HS6ST3: variants seen among roughly 807,000 people sequenced by gnomAD.
The protein encoded by HS6ST3 is heparan sulfate 6-O-sulfotransferase 3.
A neutral mutation model predicts 36.7 loss-of-function variants in HS6ST3; 12 were observed. The ratio of observed to expected loss-of-function variants is 0.33; its 90% confidence interval spans 0.21 to 0.53. HS6ST3 has a LOEUF of 0.53. Ranked by LOEUF, HS6ST3 falls within the 20% of genes least tolerant of loss-of-function variation. HS6ST3 has a pLI of 0.95. For missense variants in HS6ST3, 584 were observed against 640.9 expected (o/e 0.91, Z 0.96); for synonymous variants, 240 against 257.5 (o/e 0.93, Z 0.65).
At chr13:96,476,677 T>C (rs2055866006) in intron 1 of HS6ST3, among the ~76,000 whole-genome samples, 1 of 152,130 alleles carries the variant, frequency 6.6e-6, no homozygotes, top group Non-Finnish European at 1.5e-5. Context: ...GTTTTCTACC[T>C]GCAGTGACAT....
intron 1 of HS6ST3, among the ~76,000 whole-genome samples, chr13:96,737,330 A>G (rs967266148): frequency 1.3e-5 from 2 of 152,232 alleles, no homozygotes; most frequent in Admixed American, 1.3e-4. Flanking sequence ...TATTTCTATA[A>G]AAGAGATTAT....
intron 1 of HS6ST3, among the ~76,000 whole-genome samples, chr13:96,722,247 A>G (rs1875868830): frequency 6.6e-6 from 1 of 152,202 alleles, no homozygotes; most frequent in South Asian, 2.1e-4. Context: ...CCTGGGAAAC[A>G]GAGCGAGATT....
intron 1 of HS6ST3, among the ~76,000 whole-genome samples, chr13:96,430,010 C>G (rs2055607066): frequency 6.6e-6 from 1 of 152,196 alleles, no homozygotes; most frequent in South Asian, 2.1e-4. Context: ...TTCATAGAAT[C>G]TAAATTGACG....
At chr13:96,764,136 TAAATAAAG>T (rs1451715120) in intron 1 of HS6ST3, among the ~76,000 whole-genome samples, 1 of 152,260 alleles carries the variant, frequency 6.6e-6, no homozygotes, top group East Asian at 1.9e-4. Flanking sequence ...GCTTCTCCTT[TAAATAAAG>T]CCTTTTCTAT....
At chr13:96,176,741 G>A (rs1380439069) in intron 1 of HS6ST3, among the ~76,000 whole-genome samples, 1 of 152,098 alleles carries the variant, frequency 6.6e-6, no homozygotes, top group African/African-American at 2.4e-5. Context: ...ATGGAAAGAA[G>A]CAATTGCAAC....
At chr13:96,706,790 T>G (rs1407797967) in intron 1 of HS6ST3, among the ~76,000 whole-genome samples, 1 of 152,054 alleles carries the variant, frequency 6.6e-6, no homozygotes, top group Non-Finnish European at 1.5e-5. Flanking sequence ...ATTAACCTGC[T>G]TAGGAGGCTC....
At position 96,386,077 on chromosome 13, in the gene HS6ST3, A is replaced by G. The variant is rs1344690234; in HGVS notation, c.707+294508A>G. Among the ~76,000 whole-genome samples the G allele has an allele frequency of 2.0e-5, 3 of 152,256 alleles. No individual in the cohort carries two copies. In the South Asian group the frequency reaches 6.2e-4, roughly 31 times the overall value. ...AAATGAGGTCATAAAAGAGGAGACC[A>G]GGAATAAATTGTGTAGAAAATAAAA... On this transcript the variant is annotated intron_variant, in intron 1 of 1. Transcript: ENST00000376705.
chr13:96,549,980 C>G (rs949499673), intron 1 of HS6ST3, among the ~76,000 whole-genome samples: 1 of 152,316 alleles, frequency 6.6e-6, no homozygotes, highest in South Asian at 2.1e-4. Context: ...TGTATGTTCT[C>G]TATTTCCACA....
At chr13:96,652,009 T>C (rs1414060906) in intron 1 of HS6ST3, among the ~76,000 whole-genome samples, 1 of 152,098 alleles carries the variant, frequency 6.6e-6, no homozygotes, top group Admixed American at 6.6e-5. Flanking sequence ...ATACCTGATA[T>C]ATAGTCTCAG....
chr13:96,091,606 AC>A, intron 1 of HS6ST3, 37 bp downstream of exon 1: 6 of 868,794 alleles, frequency 6.9e-6, no homozygotes, highest in Non-Finnish European at 6.6e-6. Flanking sequence ...CTTCCCCCCC[AC>A]CCCCCATCCC....
At chr13:96,159,234 A>G (rs1442736869) in intron 1 of HS6ST3, among the ~76,000 whole-genome samples, 1 of 152,184 alleles carries the variant, frequency 6.6e-6, no homozygotes, top group Non-Finnish European at 1.5e-5. Flanking sequence ...AGACACAAGG[A>G]TCAATGAAGG....
At chr13:96,596,069 A>C (rs571978647) in intron 1 of HS6ST3, among the ~76,000 whole-genome samples, 2 of 152,230 alleles carry the variant, frequency 1.3e-5, no homozygotes, top group South Asian at 4.1e-4. Flanking sequence ...GGTACTCAAC[A>C]GGTAATTTTT....
chr13:96,690,549 G>A (rs1173347325), intron 1 of HS6ST3, among the ~76,000 whole-genome samples: 1 of 152,092 alleles, frequency 6.6e-6, no homozygotes, highest in African/African-American at 2.4e-5. Context: ...CCCGGGCATG[G>A]AAGGAATAAA....
intron 1 of HS6ST3, among the ~76,000 whole-genome samples, chr13:96,659,005 C>T (rs1197881363): frequency 1.3e-5 from 2 of 152,188 alleles, no homozygotes; most frequent in Non-Finnish European, 2.9e-5. Context: ...CTGTGCCTAG[C>T]CTGTATGAAC....
chr13:96,100,560 G>A (rs993697443), intron 1 of HS6ST3, among the ~76,000 whole-genome samples: 29 of 152,204 alleles, frequency 1.9e-4, no homozygotes, highest in African/African-American at 5.8e-4. Flanking sequence ...TCCAGTTTCA[G>A]TAGTAGGAGA....
intron 1 of HS6ST3, among the ~76,000 whole-genome samples, chr13:96,553,647 G>A (rs2056228632): frequency 6.6e-6 from 1 of 152,212 alleles, no homozygotes; most frequent in African/African-American, 2.4e-5. Flanking sequence ...ATGTAGCCCT[G>A]CACAGATGTG....
intron 1 of HS6ST3, among the ~76,000 whole-genome samples, chr13:96,516,087 A>C (rs74571445): frequency 6.7e-6 from 1 of 149,180 alleles, no homozygotes; most frequent in Non-Finnish European, 1.5e-5. Context: ...TTTGAGACAC[A>C]GTCTTGGTTT....
intron 1 of HS6ST3, among the ~76,000 whole-genome samples, chr13:96,624,939 C>A (rs936915005): frequency 3.3e-5 from 5 of 152,128 alleles, no homozygotes; most frequent in Non-Finnish European, 5.9e-5. Flanking sequence ...TGATGCAGGG[C>A]AGATTCATGG....
At chr13:96,670,000 T>A (rs1448236300) in intron 1 of HS6ST3, among the ~76,000 whole-genome samples, 1 of 152,050 alleles carries the variant, frequency 6.6e-6, no homozygotes, top group Non-Finnish European at 1.5e-5. Flanking sequence ...TTTAAAGCCA[T>A]GAAATTGGAT....
Sources: gnomAD v4.1 joint callset for allele counts (sites outside exome capture counted in the v4.1 genomes callset) on GRCh38, gnomAD v4.1.1 for gene constraint, MANE v1.5 for transcripts, NCBI Gene and HGNC (gene_info 2026-07-23, HGNC 2026-07-21) for gene names.